Variants in PREX1 observed in about 807,000 individuals in gnomAD.
PREX1 encodes the protein phosphatidylinositol-3,4,5-trisphosphate dependent Rac exchange factor 1.
A neutral mutation model predicts 198.3 loss-of-function variants in PREX1; 41 were observed. The ratio of observed to expected loss-of-function variants is 0.21; its 90% CI spans 0.16 to 0.27. PREX1 has a LOEUF of 0.27. PREX1 is among the 10% of genes least tolerant of loss of function. PREX1 has a pLI of 1.00. For synonymous variants in PREX1, 843 were observed against 887.2 expected, an observed-to-expected ratio of 0.95 and a Z score of 0.89; for missense variants, 1,620 against 2,200.7, an observed-to-expected ratio of 0.74 and a Z score of 5.28.
At chr20:48,811,590 G>C (rs2090435796) in intron 1 of PREX1, among the ~76,000 whole-genome samples, 1 of 147,892 alleles carries the variant, frequency 6.8e-6, no homozygotes, top group African/African-American at 2.6e-5. Flanking sequence ...ACACACGTGT[G>C]CATGCACTCT....
chr20:48,873,554 C>CAAAAAAAA, the PREX1 span, among the ~76,000 whole-genome samples: 1 of 70,100 alleles, frequency 1.4e-5, no homozygotes. Flanking sequence ...AGTAAAAATA[C>CAAAAAAAA]AAAAAAAAAA....
At chr20:48,642,656 T>C (rs2089423343) in intron 27 of PREX1, 167 bp from the exon 28 acceptor site, 2 of 580,892 alleles carry the variant, frequency 3.4e-6, no homozygotes, top group Admixed American at 3.3e-5. Flanking sequence ...TCACCTGACC[T>C]CTCTGAGCCT....
the PREX1 span, among the ~76,000 whole-genome samples, chr20:48,833,724 G>A: frequency 6.6e-6 from 1 of 152,176 alleles, no homozygotes; most frequent in Non-Finnish European, 1.5e-5. Context: ...TTACAGGCAT[G>A]AGCACGGCGC....
rs140731315 is a variant in PREX1 at position 48,778,653 on chromosome 20, G to T, written c.220-30773C>A. 7.7e-4 allele frequency among the ~76,000 whole-genome samples: 117 copies of T among 152,144 alleles called. 1 individual carries two copies. The highest frequency in any genetic ancestry group is 2.7e-3 in the African/African-American group (112 of 41,530). On this transcript the variant is annotated intron_variant, in intron 1 of 39. Coordinates refer to ENST00000371941, the MANE Select transcript of PREX1 (RefSeq NM_020820.4). Reference sequence around the variant, plus strand: ...ATGATGATATGGTACTGGTGAAAGGGGAGACACACAGATCAATGGAACAGA... The same window carrying T: ...ATGATGATATGGTACTGGTGAAAGGTGAGACACACAGATCAATGGAACAGA...
At chr20:48,633,780 T>C (rs2089334712) in intron 33 of PREX1, among the ~76,000 whole-genome samples, 1 of 152,170 alleles carries the variant, frequency 6.6e-6, no homozygotes, top group African/African-American at 2.4e-5. Flanking sequence ...TCAGAATCGC[T>C]AGGGCCCAGG....
intron 13 of PREX1, 34 bp downstream of exon 13, chr20:48,679,324 TAG>T (rs1382828222): frequency 6.3e-7 from 1 of 1,580,238 alleles, no homozygotes; most frequent in Non-Finnish European, 8.7e-7. Context: ...TGAGAAGAGG[TAG>T]AGGTGAAATT....
At position 48,666,339 on chromosome 20, in the gene PREX1, C is replaced by A. The variant is rs866768339; in HGVS notation, c.1682G>T (p.Arg561Leu). The change falls in exon 15 of 40, where the codon CGG becomes CTG. Residue 561 changes from arginine (R) to leucine (L), a missense_variant. Physicochemically the swap from Arg to Leu is moderately radical, Grantham distance 102. Around this residue, in one of 7 missense-constraint regions of PREX1, gnomAD observed 488 missense variants for 802.5 expected, o/e 0.61. Coordinates refer to ENST00000371941, the MANE Select transcript of PREX1 (RefSeq NM_020820.4). This position sits in a 1 kb window ranked among gnomAD's most constrained non-coding sequence, Gnocchi z 4.3. ...WLLAQGDCQT[R>L]EEAVALGVGL... ...CACGCCGAGCGCCACTGCCTCCTCC[C>A]GAGTCTGGCAGTCTCCCTGGAATGG... 2 of 1,564,754 alleles carry A rather than the reference C, an allele frequency of 1.3e-6. No individual in the cohort carries two copies. The highest frequency in any genetic ancestry group is 8.7e-7 in the Non-Finnish European group (1 of 1,155,142).
chr20:48,770,867 A>T (rs902025331), intron 1 of PREX1, among the ~76,000 whole-genome samples: 1 of 152,152 alleles, frequency 6.6e-6, no homozygotes, highest in Admixed American at 6.5e-5. Context: ...CTCAGTGGAA[A>T]TGCTGATTCC....
the PREX1 span, among the ~76,000 whole-genome samples, chr20:48,875,293 G>C: frequency 5.3e-5 from 8 of 152,190 alleles, no homozygotes; most frequent in African/African-American, 1.9e-4. Context: ...CAGAGGGAAC[G>C]GCGGGTGCGA....
At chr20:48,705,822 A>T (rs1424584818) in intron 6 of PREX1, among the ~76,000 whole-genome samples, 1 of 152,236 alleles carries the variant, frequency 6.6e-6, no homozygotes, top group Admixed American at 6.5e-5. Flanking sequence ...AACCAAAAAA[A>T]TAACTTCAGA....
intron 19 of PREX1, 30 bp downstream of exon 19, chr20:48,655,259 CT>C: frequency 1.3e-6 from 2 of 1,504,214 alleles, no homozygotes; most frequent in East Asian, 2.3e-5. Context: ...TCTTCTGCAC[CT>C]TTCCCCTCTC....
chr20:48,854,904 C>T, the PREX1 span, among the ~76,000 whole-genome samples: 2 of 152,186 alleles, frequency 1.3e-5, no homozygotes, highest in African/African-American at 4.8e-5. Context: ...ACCATGTTTG[C>T]ACCTGGCTGT....
chr20:48,875,573 G>T, the PREX1 span, among the ~76,000 whole-genome samples: 1 of 152,170 alleles, frequency 6.6e-6, no homozygotes, highest in Non-Finnish European at 1.5e-5. Flanking sequence ...TATTGTGTAC[G>T]TTGTGTGATG....
At chr20:48,870,734 G>A in the PREX1 span, among the ~76,000 whole-genome samples, 3 of 151,032 alleles carry the variant, frequency 2.0e-5, no homozygotes, top group African/African-American at 7.3e-5. Context: ...GGTCACTTGA[G>A]GTCAGGAATT....
chr20:48,803,879 G>A (rs1454156291), intron 1 of PREX1, among the ~76,000 whole-genome samples: 1 of 152,246 alleles, frequency 6.6e-6, no homozygotes, highest in Non-Finnish European at 1.5e-5. Context: ...TTACTCCTGA[G>A]TCAAGTAAGC....
At chr20:48,887,032 G>A in the PREX1 span, among the ~76,000 whole-genome samples, 1 of 152,168 alleles carries the variant, frequency 6.6e-6, no homozygotes, top group East Asian at 1.9e-4. Context: ...CTATCTTTAA[G>A]AGGAATGGCA....
intron 7 of PREX1, 30 bp from the exon 8 acceptor site, chr20:48,692,820 T>C (rs750230034): frequency 3.9e-6 from 6 of 1,557,384 alleles, no homozygotes; most frequent in Non-Finnish European, 5.3e-6. Flanking sequence ...CAGTGTCCCC[T>C]ACACGTCACC....
At chr20:48,639,744 T>C in intron 30 of PREX1, 22 bp downstream of exon 30, 1 of 1,612,436 alleles carries the variant, frequency 6.2e-7, no homozygotes, top group Non-Finnish European at 8.5e-7. Flanking sequence ...CCCACCATGA[T>C]GCACCCTCCC....
At chr20:48,779,542 A>G (rs2090278959) in intron 1 of PREX1, among the ~76,000 whole-genome samples, 1 of 152,210 alleles carries the variant, frequency 6.6e-6, no homozygotes. Flanking sequence ...TTCACACAAA[A>G]AGCTATACAT....
Sources: allele counts gnomAD v4.1 joint callset (sites outside exome capture counted in the v4.1 genomes callset), GRCh38; gene constraint gnomAD v4.1.1; regional missense constraint gnomAD v4.1.1; non-coding constraint Gnocchi (gnomAD v3.1); transcripts MANE v1.5; gene names NCBI Gene and HGNC (gene_info 2026-07-23, HGNC 2026-07-21).